TBC1D14: variants seen among roughly 807,000 people sequenced by gnomAD.
TBC1D14 encodes the protein TBC1 domain family member 14.
In TBC1D14, 26 loss-of-function variants were observed where a neutral mutation model predicts 79.0. The observed-to-expected ratio is 0.33, with a 90% CI of 0.24 to 0.46. The LOEUF (loss-of-function observed/expected upper bound fraction) is 0.46. TBC1D14 is among the 20% of genes least tolerant of loss of function. TBC1D14 has a pLI of 1.00. For missense variants in TBC1D14, 769 were observed against 887.6 expected (o/e 0.87, Z 1.70); for synonymous variants, 394 against 349.9 (o/e 1.13, Z -1.40).
chr4:6,931,530 A>G (rs1711733703), intron 2 of TBC1D14, among the ~76,000 whole-genome samples: 1 of 152,202 alleles, frequency 6.6e-6, no homozygotes, highest in Non-Finnish European at 1.5e-5. Flanking sequence ...CCAGCTGTGT[A>G]TGTGCTGGAC....
At chr4:7,018,336 G>A (rs981176264) in intron 12 of TBC1D14, among the ~76,000 whole-genome samples, 9 of 152,200 alleles carry the variant, frequency 5.9e-5, no homozygotes, top group Non-Finnish European at 1.2e-4. Context: ...TCAGCGTCCT[G>A]GGTGGGCTGT....
chr4:6,986,936 G>A (rs1717886430), intron 3 of TBC1D14, among the ~76,000 whole-genome samples: 1 of 152,252 alleles, frequency 6.6e-6, no homozygotes, highest in Admixed American at 6.5e-5. Context: ...GAGCTCACTA[G>A]TGCGACTATT....
intron 1 of TBC1D14, among the ~76,000 whole-genome samples, chr4:6,920,475 G>T (rs904715130): frequency 6.6e-6 from 1 of 152,022 alleles, no homozygotes; most frequent in African/African-American, 2.4e-5. Flanking sequence ...TGCTTTTGCT[G>T]TGTTGACACT....
chr4:7,014,331 T>G, intron 11 of TBC1D14, 117 bp from the exon 12 acceptor site: 1 of 648,636 alleles, frequency 1.5e-6, no homozygotes, highest in South Asian at 1.8e-5. Context: ...TCAAAGTGTA[T>G]TAGTAATTAC....
Position 7,030,615 on chromosome 4 carries a change from A to G in TBC1D14, c.*223A>G. On this transcript the variant is annotated 3_prime_UTR_variant, in exon 14 of 14. Coordinates refer to ENST00000409757, the MANE Select transcript of TBC1D14 (RefSeq NM_020773.3). Reference sequence around the variant, plus strand: ...GTGGAAGGATGAGCTGCTGCGGACCACAGCCAGCCACTGCATCTGCTGCAC... The same window carrying G: ...GTGGAAGGATGAGCTGCTGCGGACCGCAGCCAGCCACTGCATCTGCTGCAC... 2.1e-6 allele frequency: 1 copy of G among 468,538 alleles called. No homozygotes were observed. Among genetic ancestry groups the G allele is most frequent in the Non-Finnish European group, 4.0e-6 (1 of 252,782 alleles). 29.0% of individuals were successfully genotyped at this position (468,538 alleles called of 1,614,324 possible).
At chr4:6,914,566 T>A (rs1723245478) in intron 1 of TBC1D14, among the ~76,000 whole-genome samples, 1 of 152,212 alleles carries the variant, frequency 6.6e-6, no homozygotes, top group East Asian at 1.9e-4. Flanking sequence ...CACCACCCTT[T>A]AGACCGCAGT....
intron 2 of TBC1D14, among the ~76,000 whole-genome samples, chr4:6,964,640 A>G (rs1038890454): frequency 2.6e-5 from 4 of 152,282 alleles, no homozygotes; most frequent in African/African-American, 9.6e-5. Flanking sequence ...TTTTGAAACA[A>G]GGTCTTGCTC....
intron 3 of TBC1D14, among the ~76,000 whole-genome samples, chr4:6,984,800 A>G (rs182199921): frequency 1.0e-3 from 155 of 152,354 alleles, no homozygotes; most frequent in Admixed American, 2.2e-3. Flanking sequence ...TGTTAAACAC[A>G]TAACTTGAAG....
chr4:7,029,337 T>C (rs7685667), intron 13 of TBC1D14, among the ~76,000 whole-genome samples: 135,407 of 152,332 alleles, frequency 0.89, 60,428 homozygotes, highest in East Asian at 0.98. Flanking sequence ...CAAGATTCTC[T>C]TGGTTTCACC....
At chr4:6,998,893 A>G (rs2109186440) in intron 5 of TBC1D14, 192 bp from the exon 6 acceptor site, 1 of 572,636 alleles carries the variant, frequency 1.7e-6, no homozygotes, top group South Asian at 2.0e-5. Context: ...AGACTTTGCA[A>G]GCTTACTAAA....
At chr4:6,937,785 C>T (rs1269105769) in intron 2 of TBC1D14, among the ~76,000 whole-genome samples, 3 of 151,886 alleles carry the variant, frequency 2.0e-5, no homozygotes, top group Non-Finnish European at 4.4e-5. Context: ...ATTCTCCGGG[C>T]GGTGGAAGGA....
At chr4:7,020,856 A>G (rs562054319) in intron 12 of TBC1D14, among the ~76,000 whole-genome samples, 74 of 152,314 alleles carry the variant, frequency 4.9e-4, no homozygotes, top group Non-Finnish European at 8.2e-4. Flanking sequence ...ACATGCCACC[A>G]TGCCCAGCTA....
At chr4:6,923,235 G>T in intron 1 of TBC1D14, 138 bp from the exon 2 acceptor site, 1 of 994,766 alleles carries the variant, frequency 1.0e-6, no homozygotes, top group South Asian at 1.8e-5. Flanking sequence ...TTCTGGACTT[G>T]AATCAAAACT....
chr4:7,019,381 G>GAAC (rs1721588921), intron 12 of TBC1D14, among the ~76,000 whole-genome samples: 2 of 151,866 alleles, frequency 1.3e-5, no homozygotes, highest in Non-Finnish European at 2.9e-5. Flanking sequence ...TTCCGTTTCT[G>GAAC]CTGCCTCTTG....
intron 5 of TBC1D14, 50 bp from the exon 6 acceptor site, chr4:6,999,035 T>G: frequency 6.4e-7 from 1 of 1,573,474 alleles, no homozygotes; most frequent in Middle Eastern, 1.7e-4. Flanking sequence ...TGCCTGGAAA[T>G]GGTCCATATC....
At chr4:6,987,102 C>T (rs1717917906) in intron 3 of TBC1D14, 1 of 1,117,238 alleles carries the variant, frequency 9.0e-7, no homozygotes, top group African/African-American at 1.6e-5. Context: ...GCCCGCCCCT[C>T]GCCGCTCATC....
intron 2 of TBC1D14, among the ~76,000 whole-genome samples, chr4:6,925,909 G>A (rs1054899348): frequency 7.2e-5 from 11 of 152,180 alleles, no homozygotes; most frequent in African/African-American, 1.4e-4. Context: ...GAAGCTCAGC[G>A]AGAAGGGCCT....
chr4:6,919,308 G>A (rs1227125160), intron 1 of TBC1D14, among the ~76,000 whole-genome samples: 1 of 151,632 alleles, frequency 6.6e-6, no homozygotes, highest in African/African-American at 2.4e-5. Context: ...CACCATGCCC[G>A]GCTAATTTTG....
intron 2 of TBC1D14, among the ~76,000 whole-genome samples, chr4:6,945,226 C>T (rs1713313878): frequency 6.6e-6 from 1 of 152,122 alleles, no homozygotes; most frequent in Non-Finnish European, 1.5e-5. Flanking sequence ...GGGCGGGCCA[C>T]ATGCCACTGA....
Sources: gnomAD v4.1 joint callset for allele counts (sites outside exome capture counted in the v4.1 genomes callset) on GRCh38, gnomAD v4.1.1 for gene constraint, MANE v1.5 for transcripts, NCBI Gene and HGNC (gene_info 2026-07-23, HGNC 2026-07-21) for gene names.